Variants in SLC2A12 observed in about 807,000 individuals in gnomAD.
SLC2A12 encodes the protein solute carrier family 2, facilitated glucose transporter member 12.
In SLC2A12, 23 loss-of-function variants were observed where a neutral mutation model predicts 41.8. That is an observed-to-expected ratio of 0.55 (90% confidence interval 0.40 to 0.78). The LOEUF is 0.78. Among genes scored for constraint, SLC2A12 ranks in the 30% least tolerant of loss-of-function variants. SLC2A12 has a pLI of 0.00. For synonymous variants in SLC2A12, 295 were observed against 285.9 expected, an observed-to-expected ratio of 1.03 and a Z score of -0.32; for missense variants, 654 against 745.6, an observed-to-expected ratio of 0.88 and a Z score of 1.43.
At position 134,052,366 on chromosome 6, in the gene SLC2A12, G is replaced by C. The variant is rs568971594; in HGVS notation, c.103+12C>G. On this transcript the variant is annotated intron_variant, in intron 1 of 4. Transcript: ENST00000275230. ...TCTCTGCGGTCACCCGAGCACTGCA[G>C]GCTCACTTTACCTCTCGCCCAGGGA... 3.7e-6 allele frequency: 6 copies of C among 1,608,586 alleles called. No homozygotes were observed. In the South Asian group the frequency reaches 6.6e-5, roughly 18 times the overall value.
chr6:134,046,610 G>A (rs1032435981), intron 1 of SLC2A12, among the ~76,000 whole-genome samples: 2 of 152,038 alleles, frequency 1.3e-5, no homozygotes, highest in South Asian at 2.1e-4. Context: ...AGACCAGCCT[G>A]GGCAACATGG....
chr6:134,032,447 T>TATATATATATATATAA (rs1162366373), intron 1 of SLC2A12, among the ~76,000 whole-genome samples: 4 of 33,474 alleles, frequency 1.2e-4, no homozygotes, highest in African/African-American at 5.0e-4. Flanking sequence ...TATATATATA[T>TATATATATATATATAA]AAATATATAT....
At chr6:134,047,899 G>A (rs1321850254) in intron 1 of SLC2A12, among the ~76,000 whole-genome samples, 5 of 152,214 alleles carry the variant, frequency 3.3e-5, no homozygotes, top group African/African-American at 9.6e-5. Context: ...GCTCTGCCAG[G>A]CCCTGGCAGG....
intron 2 of SLC2A12, among the ~76,000 whole-genome samples, chr6:134,007,159 G>C (rs1356491583): frequency 6.6e-6 from 1 of 152,226 alleles, no homozygotes; most frequent in Non-Finnish European, 1.5e-5. Context: ...GCTGGGCCAT[G>C]GTCCCCATGC....
chr6:133,988,260 A>G lies in SLC2A12; in HGVS notation c.*2895T>C, dbSNP rs1400173427. ...TTAAAGTTATAATAAATATGCATTT[A>G]TGAAACAGTGTCTCTGGCTCACCCA... On this transcript the variant is annotated 3_prime_UTR_variant, in exon 5 of 5. Coordinates refer to ENST00000275230, the MANE Select transcript of SLC2A12 (RefSeq NM_145176.3). 1 of 152,230 alleles carries G rather than the reference A, an allele frequency of 6.6e-6. No homozygotes were observed. The highest frequency in any genetic ancestry group is 1.5e-5 in the Non-Finnish European group (1 of 68,030). The allele number at this position is 152,230 out of a possible 1,614,324, so 9.4% of individuals were successfully genotyped here.
chr6:134,011,370 C>T (rs1356466213), intron 2 of SLC2A12, among the ~76,000 whole-genome samples: 1 of 152,016 alleles, frequency 6.6e-6, no homozygotes, highest in African/African-American at 2.4e-5. Context: ...TCCTGTAATC[C>T]TAGCACTTTG....
chr6:134,024,501 C>A (rs532113072), intron 2 of SLC2A12, among the ~76,000 whole-genome samples: 1 of 152,306 alleles, frequency 6.6e-6, no homozygotes, highest in Non-Finnish European at 1.5e-5. Context: ...GATACCAAAT[C>A]CCTATAGGAA....
rs748507680 is a variant in SLC2A12, at chr6:134,029,603, C to T, written c.222G>A (p.Leu74=). 1 of 1,614,028 alleles carries T rather than the reference C, an allele frequency of 6.2e-7. No individual in the cohort carries two copies. The highest frequency in any genetic ancestry group is 8.5e-7 in the Non-Finnish European group (1 of 1,180,006). Reference sequence around the variant, plus strand: ...CAACCATTTCCTGCTCATGGCAGCTCAGGGCTAATAAGGTTTTGATCTGAA... The same window carrying T: ...CAACCATTTCCTGCTCATGGCAGCTTAGGGCTAATAAGGTTTTGATCTGAA... ...ALLQIKTLLA[L]SCHEQEMVVS... is the part of the protein sequence containing the mutation. The change falls in exon 2 of 5, where the codon CTG becomes CTA. Residue 74 remains leucine, a synonymous_variant. Coordinates refer to ENST00000275230, the MANE Select transcript of SLC2A12 (RefSeq NM_145176.3).
chr6:134,014,300 T>A (rs188571588), intron 2 of SLC2A12, among the ~76,000 whole-genome samples: 1 of 152,280 alleles, frequency 6.6e-6, no homozygotes, highest in East Asian at 1.9e-4. Context: ...CAGCTTCACT[T>A]GCTCACCCAT....
At chr6:134,019,010 G>A (rs550111365) in intron 2 of SLC2A12, among the ~76,000 whole-genome samples, 72 of 152,340 alleles carry the variant, frequency 4.7e-4, no homozygotes, top group African/African-American at 1.7e-3. Flanking sequence ...GGTGTCATCT[G>A]TCACTTGAAT....
chr6:134,028,000 A>AT (rs1371352758), intron 2 of SLC2A12, among the ~76,000 whole-genome samples: 1 of 152,220 alleles, frequency 6.6e-6, no homozygotes, highest in Non-Finnish European at 1.5e-5. Flanking sequence ...TAAACCCTTG[A>AT]TTTTTTTCCT....
intron 2 of SLC2A12, among the ~76,000 whole-genome samples, chr6:134,025,850 A>G (rs781731828): frequency 7.2e-5 from 11 of 152,210 alleles, no homozygotes; most frequent in Non-Finnish European, 1.5e-4. Context: ...CCCAGCCTCC[A>G]GTAATTTTTT....
At chr6:134,036,788 A>G (rs2114494747) in intron 1 of SLC2A12, among the ~76,000 whole-genome samples, 1 of 152,326 alleles carries the variant, frequency 6.6e-6, no homozygotes, top group East Asian at 1.9e-4. Flanking sequence ...CTGAATAGCA[A>G]TCCATTAGCA....
intron 2 of SLC2A12, among the ~76,000 whole-genome samples, chr6:134,007,367 C>T (rs1245594034): frequency 6.6e-6 from 1 of 152,200 alleles, no homozygotes; most frequent in African/African-American, 2.4e-5. Context: ...CTCCCCCTGA[C>T]CTTGGAGGAG....
At chr6:133,996,717 G>A (rs1229723661) in intron 4 of SLC2A12, among the ~76,000 whole-genome samples, 3 of 152,168 alleles carry the variant, frequency 2.0e-5, no homozygotes, top group East Asian at 3.8e-4. Context: ...ACTCAGCAGT[G>A]TCCTTCCTCA....
intron 2 of SLC2A12, among the ~76,000 whole-genome samples, chr6:134,021,111 C>T (rs774361322): frequency 1.3e-4 from 20 of 152,018 alleles, no homozygotes; most frequent in Non-Finnish European, 2.6e-4. Context: ...AAAATCATGC[C>T]CAAGTGATGG....
chr6:134,011,484 G>T (rs1776883615), intron 2 of SLC2A12, among the ~76,000 whole-genome samples: 1 of 152,000 alleles, frequency 6.6e-6, no homozygotes, highest in African/African-American at 2.4e-5. Context: ...TTAGCCAGGT[G>T]TGGTGATGTG....
At chr6:134,034,972 C>G (rs1038890500) in intron 1 of SLC2A12, among the ~76,000 whole-genome samples, 1 of 151,982 alleles carries the variant, frequency 6.6e-6, no homozygotes, top group South Asian at 2.1e-4. Context: ...GTGGACATTA[C>G]AGAAGTGGAA....
chr6:134,024,664 T>A (rs1777090728), intron 2 of SLC2A12, among the ~76,000 whole-genome samples: 1 of 152,240 alleles, frequency 6.6e-6, no homozygotes, highest in Non-Finnish European at 1.5e-5. Flanking sequence ...TAGCTCTTAG[T>A]AAATGATGAT....
Sources: allele counts gnomAD v4.1 joint callset (sites outside exome capture counted in the v4.1 genomes callset), GRCh38; gene constraint gnomAD v4.1.1; transcripts MANE v1.5; gene names NCBI Gene and HGNC (gene_info 2026-07-23, HGNC 2026-07-21).